The following ARHGAP21 variants were observed in gnomAD, a reference collection of about 807,000 sequenced individuals.
ARHGAP21 encodes Rho GTPase activating protein 21, also known as rho GTPase-activating protein 21.
In ARHGAP21, 38 loss-of-function variants were observed where a neutral mutation model predicts 164.6. The observed-to-expected ratio is 0.23, with a 90% CI of 0.18 to 0.30. The LOEUF (loss-of-function observed/expected upper bound fraction) is 0.30. Among genes scored for constraint, ARHGAP21 ranks in the 10% least tolerant of loss-of-function variants. The probability of loss-of-function intolerance (pLI) is 1.00; values close to 1 mark genes in which losing one functional copy is unlikely to be tolerated. For synonymous variants in ARHGAP21, 766 were observed against 857.9 expected (o/e 0.89, Z 1.87); for missense variants, 1,822 against 2,370.7 (o/e 0.77, Z 4.81).
intron 2 of ARHGAP21, among the ~76,000 whole-genome samples, chr10:24,700,930 C>T (rs1013249191): frequency 6.6e-6 from 1 of 152,114 alleles, no homozygotes; most frequent in Non-Finnish European, 1.5e-5. Context: ...ACAAGCTTCC[C>T]GGAGTGTAGA....
At chr10:24,652,199 A>G (rs1444187280) in intron 4 of ARHGAP21, among the ~76,000 whole-genome samples, 2 of 152,208 alleles carry the variant, frequency 1.3e-5, no homozygotes, top group Non-Finnish European at 2.9e-5. Flanking sequence ...AAACAGATCT[A>G]CACACATACA....
At chr10:24,593,704 T>A (rs1341964014) in intron 21 of ARHGAP21, among the ~76,000 whole-genome samples, 1 of 152,158 alleles carries the variant, frequency 6.6e-6, no homozygotes, top group African/African-American at 2.4e-5. Flanking sequence ...CTTTCTAAAT[T>A]AACTAGACCA....
intron 2 of ARHGAP21, among the ~76,000 whole-genome samples, chr10:24,674,719 AC>A (rs1841044596): frequency 6.6e-5 from 10 of 152,178 alleles, no homozygotes; most frequent in Admixed American, 6.6e-4. Flanking sequence ...AAGTATACAC[AC>A]ACACACACAC....
intron 2 of ARHGAP21, among the ~76,000 whole-genome samples, chr10:24,676,011 A>C (rs1458510330): frequency 2.0e-5 from 3 of 152,054 alleles, no homozygotes; most frequent in African/African-American, 7.2e-5. Context: ...AGCTGAGTGC[A>C]ATGGCACGTG....
chr10:24,619,501 G>T lies in ARHGAP21; in HGVS notation c.2394C>A (p.Gly798=), dbSNP rs370816999. The change falls in exon 9 of 26, where the codon GGC becomes GGA. Residue 798 remains glycine, a synonymous_variant. Coordinates refer to ENST00000396432, the MANE Select transcript of ARHGAP21 (RefSeq NM_020824.4). ...ERKASSTSPP[G]DSLASIPFID... ...TAAATGGGATGGAAGCCAAAGAATC[G>T]CCAGGCGGACTGGTACTCGAGGCTT... The T allele has an allele frequency of 6.2e-7, 1 of 1,613,920 alleles. No homozygotes were observed. Among genetic ancestry groups the T allele is most frequent in the South Asian group, 1.1e-5 (1 of 91,010 alleles).
intron 2 of ARHGAP21, among the ~76,000 whole-genome samples, chr10:24,678,972 A>G (rs192251898): frequency 1.5e-4 from 23 of 152,266 alleles, no homozygotes; most frequent in Admixed American, 1.2e-3. Context: ...GTTGTATTCC[A>G]TGGAATGGAT....
At position 24,619,934 on chromosome 10, in the gene ARHGAP21, T is replaced by C. The variant is rs1444180007; in HGVS notation, c.1961A>G (p.His654Arg). The C allele has an allele frequency of 6.2e-7, 1 of 1,614,032 alleles. No individual in the cohort carries two copies. Among genetic ancestry groups the C allele is most frequent in the Non-Finnish European group, 8.5e-7 (1 of 1,180,020 alleles). ...VSIKDQRPVN[H>R]LHQNSLLNQQ... ...ATTCAACAGACTGTTCTGATGCAAG[T>C]GATTTACTGGTCTTTGGTCTTTGAT... Residue 654 changes from histidine to arginine, a missense_variant, in exon 9 of 26, where the codon CAC (histidine) becomes CGC (arginine). By Grantham distance (29) the His-to-Arg change is conservative. Around this residue, in one of 5 missense-constraint regions of ARHGAP21, gnomAD observed 1,090 missense variants for 1,378.9 expected, o/e 0.79. Transcript: ENST00000396432.
chr10:24,712,243 A>C (rs1348279789), intron 2 of ARHGAP21, among the ~76,000 whole-genome samples: 1 of 152,060 alleles, frequency 6.6e-6, no homozygotes, highest in East Asian at 1.9e-4. Context: ...AATTACCTAA[A>C]TCCAGTGACA....
At chr10:24,591,755 T>G in intron 22 of ARHGAP21, 72 bp from the exon 23 acceptor site, 1 of 1,600,872 alleles carries the variant, frequency 6.2e-7, no homozygotes, top group Non-Finnish European at 8.5e-7. Context: ...GAGGATAGTA[T>G]AGAAAAAGGG....
At chr10:24,641,554 A>C (rs1038591604) in intron 4 of ARHGAP21, among the ~76,000 whole-genome samples, 1 of 152,242 alleles carries the variant, frequency 6.6e-6, no homozygotes, top group Non-Finnish European at 1.5e-5. Flanking sequence ...ATTAGTAAAA[A>C]CATACTATCT....
intron 4 of ARHGAP21, among the ~76,000 whole-genome samples, chr10:24,642,425 G>A (rs1837146010): frequency 6.7e-6 from 1 of 148,392 alleles, no homozygotes. Context: ...TGAGGCAGGA[G>A]AATGGCGTGA....
chr10:24,607,749 G>C lies in ARHGAP21; in HGVS notation c.2577C>G (p.Asp859Glu), dbSNP rs771381121. The change falls in exon 10 of 26, where the codon GAC (aspartate) becomes GAG (glutamate). Residue 859 changes from aspartate to glutamate, a missense_variant. Physicochemically the swap from Asp to Glu is conservative, Grantham distance 45. Around this residue, in one of 5 missense-constraint regions of ARHGAP21, gnomAD observed 1,090 missense variants for 1,378.9 expected, o/e 0.79. Coordinates refer to ENST00000396432, the MANE Select transcript of ARHGAP21 (RefSeq NM_020824.4). ...AAAACCACCCTTTAGACGTACCGTG[G>C]TCATGTGAGAGCTGACGGCGAATTA... ...APLIRRQLSH[D>E]HESVGPPSLD... is the part of the protein sequence containing the mutation. The C allele has an allele frequency of 6.2e-7, 1 of 1,613,802 alleles. No homozygotes were observed. Among genetic ancestry groups the C allele is most frequent in the African/African-American group, 1.3e-5 (1 of 74,908 alleles).
intron 2 of ARHGAP21, among the ~76,000 whole-genome samples, chr10:24,682,685 GATTT>G (rs1841880091): frequency 6.6e-6 from 1 of 151,764 alleles, no homozygotes; most frequent in South Asian, 2.1e-4. Flanking sequence ...TAATTTTAAA[GATTT>G]CTTTCTCTTT....
At chr10:24,601,620 TA>T (rs1388889046) in intron 13 of ARHGAP21, among the ~76,000 whole-genome samples, 1 of 152,106 alleles carries the variant, frequency 6.6e-6, no homozygotes, top group Non-Finnish European at 1.5e-5. Flanking sequence ...AAAAGAGACA[TA>T]AAAATTTAAA....
chr10:24,632,931 T>A (rs1206816045), intron 6 of ARHGAP21, among the ~76,000 whole-genome samples: 1 of 152,156 alleles, frequency 6.6e-6, no homozygotes, highest in Non-Finnish European at 1.5e-5. Flanking sequence ...AAAATCCTAC[T>A]ATTCTGTAAA....
chr10:24,598,117 C>T, intron 14 of ARHGAP21, 108 bp from the exon 15 acceptor site: 1 of 811,408 alleles, frequency 1.2e-6, no homozygotes, highest in Non-Finnish European at 2.0e-6. Flanking sequence ...ACAAACACTA[C>T]TATCATCTGT....
chr10:24,624,786 A>G (rs1834932109), intron 7 of ARHGAP21, among the ~76,000 whole-genome samples: 1 of 152,178 alleles, frequency 6.6e-6, no homozygotes, highest in Admixed American at 6.5e-5. Flanking sequence ...TTTACAACAT[A>G]TGAAAGTGTT....
chr10:24,597,474 C>T lies in ARHGAP21; in HGVS notation c.3307G>A (p.Glu1103Lys). ...KTQSPHSPKE[E>K]SERKLLSKDD... Reference sequence around the variant, plus strand: ...TTACTGAGAAGTTTCCTTTCCGACTCTTCCTTCGGAGAGTGTGGGCTTTGA... The same window carrying T: ...TTACTGAGAAGTTTCCTTTCCGACTTTTCCTTCGGAGAGTGTGGGCTTTGA... Residue 1103 changes from glutamate (E) to lysine (K), a missense_variant, in exon 16 of 26, where the codon GAG becomes AAG. By Grantham distance (56) the Glu-to-Lys change is moderately conservative. Coordinates refer to ENST00000396432, the MANE Select transcript of ARHGAP21 (RefSeq NM_020824.4). 1 of 1,613,878 alleles carries T rather than the reference C, an allele frequency of 6.2e-7. No homozygotes were observed. The highest frequency in any genetic ancestry group is 8.5e-7 in the Non-Finnish European group (1 of 1,179,914).
intron 4 of ARHGAP21, among the ~76,000 whole-genome samples, chr10:24,654,751 C>T (rs1023828878): frequency 6.6e-6 from 1 of 152,132 alleles, no homozygotes; most frequent in Non-Finnish European, 1.5e-5. Flanking sequence ...ACTTTCTTCA[C>T]AGAACTGGAA....
Sources: allele counts gnomAD v4.1 joint callset (sites outside exome capture counted in the v4.1 genomes callset), GRCh38; gene constraint gnomAD v4.1.1; regional missense constraint gnomAD v4.1.1; transcripts MANE v1.5; gene names NCBI Gene and HGNC (gene_info 2026-07-23, HGNC 2026-07-21).